Variants in IP6K1 observed in about 807,000 individuals in gnomAD.
IP6K1 encodes inositol hexakisphosphate kinase 1, also known as ATP:1D-myo-inositol-hexakisphosphate phosphotransferase.
In IP6K1, 13 loss-of-function variants were observed where a neutral mutation model predicts 38.3. The observed-to-expected ratio is 0.34, with a 90% CI of 0.22 to 0.54. The LOEUF is 0.54. IP6K1 is among the 20% of genes least tolerant of loss of function. IP6K1 has a pLI of 0.92. For synonymous variants in IP6K1, 212 were observed against 229.9 expected (o/e 0.92, Z 0.70); for missense variants, 397 against 599.8 (o/e 0.66, Z 3.53).
intron 1 of IP6K1, among the ~76,000 whole-genome samples, chr3:49,756,056 C>T (rs2108244625): frequency 6.6e-6 from 1 of 152,180 alleles, no homozygotes; most frequent in Non-Finnish European, 1.5e-5. Context: ...CCTCAGAAAC[C>T]AGAAATGTGT....
chr3:49,735,045 T>G (rs1050162115), intron 3 of IP6K1, among the ~76,000 whole-genome samples: 5 of 152,118 alleles, frequency 3.3e-5, no homozygotes, highest in Non-Finnish European at 7.4e-5. Flanking sequence ...TCTGTACCTT[T>G]GGAGGACAAT....
chr3:49,781,067 T>C (rs2081061517), intron 1 of IP6K1, among the ~76,000 whole-genome samples: 1 of 149,880 alleles, frequency 6.7e-6, no homozygotes, highest in Non-Finnish European at 1.5e-5. Flanking sequence ...CAAAAAAGAT[T>C]TTTTTTTTTT....
At chr3:49,768,754 A>T (rs545624389) in intron 1 of IP6K1, among the ~76,000 whole-genome samples, 12 of 152,256 alleles carry the variant, frequency 7.9e-5, no homozygotes, top group Non-Finnish European at 1.5e-4. Context: ...TCGGTGACAG[A>T]GTGAGACTGA....
chr3:49,738,269 C>A lies in IP6K1; in HGVS notation c.377G>T (p.Gly126Val). Reference protein sequence around the residue: ...KHSRRSLHRSGSGSDHKEEKA... With the variant: ...KHSRRSLHRSVSGSDHKEEKA... ...CTCCTCCTTGTGGTCACTGCCACTGCCTGACCGGTGCAGGCTCCGGCGGGA... is the reference window on the plus strand; with the variant it reads ...CTCCTCCTTGTGGTCACTGCCACTGACTGACCGGTGCAGGCTCCGGCGGGA... The change falls in exon 3 of 6, where the codon GGC becomes GTC. Residue 126 changes from glycine to valine, a missense_variant. By Grantham distance (109) the Gly-to-Val change is moderately radical. Transcript: ENST00000321599. 2.5e-6 allele frequency: 4 copies of A among 1,614,222 alleles called. No individual in the cohort carries two copies. The highest frequency in any genetic ancestry group is 3.4e-6 in the Non-Finnish European group (4 of 1,180,048).
chr3:49,739,998 T>G (rs2080651424), intron 2 of IP6K1, among the ~76,000 whole-genome samples: 1 of 151,618 alleles, frequency 6.6e-6, no homozygotes, highest in South Asian at 2.1e-4. Flanking sequence ...ACACTCCATC[T>G]CAAAAAAATA....
chr3:49,778,113 C>T (rs1230600515), intron 1 of IP6K1, among the ~76,000 whole-genome samples: 1 of 149,832 alleles, frequency 6.7e-6, no homozygotes, highest in Non-Finnish European at 1.5e-5. Context: ...ATCACAAGGT[C>T]AGGAGATCGA....
chr3:49,732,978 A>C lies in IP6K1; in HGVS notation c.435-6T>G, dbSNP rs750686639. 8 of 1,609,330 alleles carry C rather than the reference A, an allele frequency of 5.0e-6. No homozygotes were observed. The highest frequency in any genetic ancestry group is 3.3e-5 in the Admixed American group (2 of 59,800). On this transcript the variant is annotated splice_polypyrimidine_tract_variant and splice_region_variant and intron_variant, in intron 3 of 5. Coordinates refer to ENST00000321599, the MANE Select transcript of IP6K1 (RefSeq NM_153273.4). ...GACTCTTTGCCTCCTGTGAGCTAAG[A>C]AGGAAGAACATACACATCACTAAGA...
chr3:49,762,384 A>C (rs2080874890), intron 1 of IP6K1, among the ~76,000 whole-genome samples: 1 of 152,192 alleles, frequency 6.6e-6, no homozygotes, highest in Non-Finnish European at 1.5e-5. Flanking sequence ...TCTACTAAAA[A>C]TACAAAAATT....
intron 2 of IP6K1, among the ~76,000 whole-genome samples, chr3:49,741,127 A>G (rs1373386634): frequency 6.6e-6 from 1 of 152,156 alleles, no homozygotes; most frequent in Non-Finnish European, 1.5e-5. Flanking sequence ...TACAGGCATG[A>G]GCCACTGCAC....
intron 1 of IP6K1, among the ~76,000 whole-genome samples, chr3:49,784,646 GAA>G (rs35547506): frequency 2.2e-5 from 3 of 134,498 alleles, no homozygotes; most frequent in Admixed American, 7.6e-5. Flanking sequence ...CTTCGTCTCA[GAA>G]AAAAAAAAAA....
intron 4 of IP6K1, 122 bp from the exon 5 acceptor site, chr3:49,728,400 C>G (rs924261517): frequency 1.2e-6 from 1 of 851,712 alleles, no homozygotes; most frequent in South Asian, 1.8e-5. Flanking sequence ...GTCTCAAACT[C>G]TCAAATATGG....
rs1219722980 is a variant in IP6K1 at position 49,732,784 on chromosome 3, A to G, written c.616+7T>C. On this transcript the variant is annotated splice_region_variant and intron_variant, in intron 4 of 5. Coordinates refer to ENST00000321599, the MANE Select transcript of IP6K1 (RefSeq NM_153273.4). ...AGACACTCCTGAAGGAGGGGCAACG[A>G]GGATACTGTAGAGCTTTCGGTCCTT... The G allele has an allele frequency of 6.2e-7, 1 of 1,606,512 alleles. No individual in the cohort carries two copies. The highest frequency in any genetic ancestry group is 1.7e-5 in the Admixed American group (1 of 59,794).
At chr3:49,782,305 G>T (rs919291627) in intron 1 of IP6K1, among the ~76,000 whole-genome samples, 2 of 151,786 alleles carry the variant, frequency 1.3e-5, no homozygotes, top group African/African-American at 4.8e-5. Flanking sequence ...TGAGTAGCTG[G>T]GATTACAGGT....
At position 49,747,989 on chromosome 3, in the gene IP6K1, G is replaced by T. The variant is rs370834861; in HGVS notation, c.52C>A (p.Arg18=). ...AGGAGGACTCCCCGGTCTCCAGCCCGACTTGCATTCTTGCCATACTGCCCC... is the reference window on the plus strand; with the variant it reads ...AGGAGGACTCCCCGGTCTCCAGCCCTACTTGCATTCTTGCCATACTGCCCC... ...EVGQYGKNAS[R]AGDRGVLLEP... Residue 18 remains arginine, a synonymous_variant, in exon 2 of 6, where the codon CGG becomes AGG. Coordinates refer to ENST00000321599, the MANE Select transcript of IP6K1 (RefSeq NM_153273.4). 22 of 1,613,846 alleles carry T rather than the reference G, an allele frequency of 1.4e-5. No individual in the cohort carries two copies. The highest frequency in any genetic ancestry group is 1.8e-5 in the Non-Finnish European group (21 of 1,180,044).
At chr3:49,739,048 G>A (rs905938288) in intron 2 of IP6K1, among the ~76,000 whole-genome samples, 17 of 152,098 alleles carry the variant, frequency 1.1e-4, no homozygotes, top group Non-Finnish European at 2.5e-4. Flanking sequence ...AGTGTCTTCT[G>A]GATCTTAGTG....
chr3:49,771,206 A>C (rs1252974856), intron 1 of IP6K1, among the ~76,000 whole-genome samples: 5 of 148,244 alleles, frequency 3.4e-5, no homozygotes, highest in South Asian at 4.2e-4. Flanking sequence ...AAAAAAAAAA[A>C]AAAAAACCCT....
At chr3:49,781,657 C>T (rs1248911183) in intron 1 of IP6K1, among the ~76,000 whole-genome samples, 1 of 152,096 alleles carries the variant, frequency 6.6e-6, no homozygotes, top group Non-Finnish European at 1.5e-5. Context: ...AGGATAAACC[C>T]TGAGGAGGTA....
chr3:49,750,703 GA>G lies in IP6K1; in HGVS notation c.-128-2536del, dbSNP rs1296162059. ...CGACAGAGCGGGACTCCTCAAAAAA[GA>G]AAAAAAAAAAAATTGAAATAGCCCT... On this transcript the variant is annotated intron_variant, in intron 1 of 5. Transcript: ENST00000321599. Among the ~76,000 whole-genome samples, 215 of 138,086 alleles carry G rather than the reference GA, an allele frequency of 1.6e-3. 1 individual carries two copies. Among genetic ancestry groups the G allele is most frequent in the Middle Eastern group, 0.011 (3 of 262 alleles). 90.6% of individuals were successfully genotyped at this position (138,086 alleles called of 152,430 possible).
intron 1 of IP6K1, among the ~76,000 whole-genome samples, chr3:49,765,950 G>A (rs1007263951): frequency 2.6e-5 from 4 of 151,988 alleles, no homozygotes; most frequent in African/African-American, 7.3e-5. Flanking sequence ...GCCGAAGCGG[G>A]CAGATGACGA....
Sources: allele counts gnomAD v4.1 joint callset (sites outside exome capture counted in the v4.1 genomes callset), GRCh38; gene constraint gnomAD v4.1.1; transcripts MANE v1.5; gene names NCBI Gene and HGNC (gene_info 2026-07-23, HGNC 2026-07-21).